Variants in AHRR observed in about 807,000 individuals in gnomAD.
The protein encoded by AHRR is ahR repressor.
A neutral mutation model predicts 44.0 loss-of-function variants in AHRR; 28 were observed. That is an observed-to-expected ratio of 0.64 (90% confidence interval 0.47 to 0.87). The LOEUF (loss-of-function observed/expected upper bound fraction) is 0.87. Ranked by LOEUF, AHRR falls within the 40% of genes least tolerant of loss-of-function variation. The pLI is 0.00. For missense variants in AHRR, 990 were observed against 953.9 expected, an observed-to-expected ratio of 1.04 and a Z score of -0.50; for synonymous variants, 434 against 407.0, an observed-to-expected ratio of 1.07 and a Z score of -0.80.
rs188790935 is a variant in AHRR at position 405,099 on chromosome 5, A to G, written c.352-8245A>G. Among the ~76,000 whole-genome samples the G allele has an allele frequency of 1.5e-3, 229 of 152,242 alleles. No individual in the cohort carries two copies. The highest frequency in any genetic ancestry group is 5.4e-3 in the African/African-American group (225 of 41,540). The stretch of plus-strand genomic sequence containing the variant: ...ATGGCCCCCTCCCCCAAAGAAATGC[A>G]GCAGGTCTGACATTTCCCCATTTCT... On this transcript the variant is annotated intron_variant, in intron 4 of 10. Transcript: ENST00000684583. The surrounding 1 kb of genome is among the most constrained non-coding windows in gnomAD (Gnocchi z 4.5).
chr5:339,297 G>A (rs909347367), intron 1 of AHRR, among the ~76,000 whole-genome samples: 1 of 151,972 alleles, frequency 6.6e-6, no homozygotes, highest in African/African-American at 2.4e-5. Context: ...TTAAAAGTAT[G>A]TTTTGTAGAG....
intron 3 of AHRR, among the ~76,000 whole-genome samples, chr5:361,689 C>G (rs970559820): frequency 6.6e-6 from 1 of 152,214 alleles, no homozygotes; most frequent in Admixed American, 6.5e-5. Flanking sequence ...CGTCTCCCCT[C>G]TCTTCCTACT....
intron 5 of AHRR, among the ~76,000 whole-genome samples, chr5:417,110 G>A (rs1735858183): frequency 6.8e-6 from 1 of 147,958 alleles, no homozygotes; most frequent in Non-Finnish European, 1.5e-5. Context: ...TGCAGGGCCC[G>A]AGTTTAGAGA....
At chr5:408,065 G>T (rs889334391) in intron 4 of AHRR, among the ~76,000 whole-genome samples, 1 of 152,202 alleles carries the variant, frequency 6.6e-6, no homozygotes, top group African/African-American at 2.4e-5. Flanking sequence ...TTTTGGGCTG[G>T]GCTGTCTCCA....
At chr5:354,896 T>G (rs547118770) in intron 3 of AHRR, among the ~76,000 whole-genome samples, 177 of 152,264 alleles carry the variant, frequency 1.2e-3, no homozygotes, top group African/African-American at 4.1e-3. Context: ...GCCCATGGGC[T>G]GCGGGAAGGA....
Position 434,066 on chromosome 5 carries a change from C to G in AHRR, c.1326C>G (p.Gly442=). The change falls in exon 11 of 11, where the codon GGC becomes GGG. Residue 442 remains glycine, a synonymous_variant. Transcript: ENST00000684583. ...GCCTGCCCTGCCCGTGTGTCCAGGG[C>G]ACTTTCAGGAACTCGCCCATCTCTC... The part of the protein sequence containing the change: ...GSCLPCPCVQ[G]TFRNSPISHP... 6.2e-7 allele frequency: 1 copy of G among 1,612,790 alleles called. No individual in the cohort carries two copies. Among genetic ancestry groups the G allele is most frequent in the Non-Finnish European group, 8.5e-7 (1 of 1,179,908 alleles).
intron 4 of AHRR, among the ~76,000 whole-genome samples, chr5:393,985 G>C (rs1232422330): frequency 6.6e-6 from 1 of 152,224 alleles, no homozygotes; most frequent in Non-Finnish European, 1.5e-5. Context: ...TCCTCTGTGA[G>C]TTCTTCCCAG....
At chr5:354,006 G>A (rs543917984) in intron 3 of AHRR, 95 bp downstream of exon 3, 35 of 1,367,124 alleles carry the variant, frequency 2.6e-5, no homozygotes, top group Non-Finnish European at 3.5e-5. Context: ...AGTGTGTCTG[G>A]TGGGTTGCAC....
At position 387,058 on chromosome 5, in the gene AHRR, C is replaced by T. The variant is rs959978150; in HGVS notation, c.351+10342C>T. ...TCCATATCCGTTTGATTGTCAAAGC[C>T]TCTGCTGCACGGGGTGGGTCTGCCC... On this transcript the variant is annotated intron_variant, in intron 4 of 10. Coordinates refer to ENST00000684583, the MANE Select transcript of AHRR (RefSeq NM_001377236.1). The surrounding 1 kb of genome is among the most constrained non-coding windows in gnomAD (Gnocchi z 5.1). Among the ~76,000 whole-genome samples, 17 of 152,244 alleles carry T rather than the reference C, an allele frequency of 1.1e-4. No individual in the cohort carries two copies. The highest frequency in any genetic ancestry group is 3.9e-4 in the African/African-American group (16 of 41,474).
chr5:379,784 GCTTGT>G (rs1202014553), intron 4 of AHRR, among the ~76,000 whole-genome samples: 1 of 152,126 alleles, frequency 6.6e-6, no homozygotes, highest in Non-Finnish European at 1.5e-5. Context: ...GTAGTCTGTG[GCTTGT>G]CTTTTTATTC....
intron 1 of AHRR, among the ~76,000 whole-genome samples, chr5:343,248 C>CG (rs148526330): frequency 0.015 from 1,905 of 126,896 alleles, 6 homozygotes; most frequent in Non-Finnish European, 0.019. Context: ...CATACCTTCT[C>CG]GGGGTGACAG....
intron 3 of AHRR, chr5:367,940 T>G (rs1308457655): frequency 4.3e-6 from 3 of 702,572 alleles, no homozygotes. Context: ...CTGCATCTGT[T>G]GATGGTGAAT....
chr5:329,568 A>G (rs1560876996), intron 1 of AHRR, among the ~76,000 whole-genome samples: 1 of 152,186 alleles, frequency 6.6e-6, no homozygotes, highest in Non-Finnish European at 1.5e-5. Flanking sequence ...ATTATACTGA[A>G]TCTATAGATT....
intron 3 of AHRR, among the ~76,000 whole-genome samples, chr5:372,761 C>G (rs1029905680): frequency 6.6e-6 from 1 of 152,212 alleles, no homozygotes; most frequent in Admixed American, 6.5e-5. Context: ...ACGGCATCAC[C>G]CAGACGCACA....
chr5:396,569 T>G (rs1388070219), intron 4 of AHRR, among the ~76,000 whole-genome samples: 1 of 152,200 alleles, frequency 6.6e-6, no homozygotes, highest in Non-Finnish European at 1.5e-5. Context: ...TTCTTCGGCC[T>G]TTCTGCTAAG....
intron 4 of AHRR, among the ~76,000 whole-genome samples, chr5:402,836 G>A (rs1735075196): frequency 6.6e-6 from 1 of 152,186 alleles, no homozygotes; most frequent in African/African-American, 2.4e-5. Flanking sequence ...AATGCTCTGT[G>A]TATACACCAT....
At chr5:324,012 T>C (rs867480543) in intron 1 of AHRR, among the ~76,000 whole-genome samples, 2,150 of 84,710 alleles carry the variant, frequency 0.025, 72 homozygotes, top group African/African-American at 0.097. Context: ...TTTCTCTTTC[T>C]TTCTTTCTTT....
chr5:396,247 C>T (rs572781920), intron 4 of AHRR, among the ~76,000 whole-genome samples: 2 of 152,316 alleles, frequency 1.3e-5, no homozygotes, highest in Non-Finnish European at 2.9e-5. Context: ...CCCCCATCCT[C>T]AGGGGAGGCA....
rs955357236 is a variant in AHRR, at chr5:388,796, C to T, written c.351+12080C>T. Among the ~76,000 whole-genome samples the T allele has an allele frequency of 3.3e-5, 5 of 152,192 alleles. No homozygotes were observed. Among genetic ancestry groups the T allele is most frequent in the African/African-American group, 7.2e-5 (3 of 41,446 alleles). On this transcript the variant is annotated intron_variant, in intron 4 of 10. Transcript: ENST00000684583. The surrounding 1 kb of genome is among the most constrained non-coding windows in gnomAD (Gnocchi z 5.2). ...CCTCAAAGCCACTGGGCAGAGGTTCCGTCCCGCTGGCTGGATGGAAACAGG... is the reference window on the plus strand; with the variant it reads ...CCTCAAAGCCACTGGGCAGAGGTTCTGTCCCGCTGGCTGGATGGAAACAGG...
Sources: allele counts gnomAD v4.1 joint callset (sites outside exome capture counted in the v4.1 genomes callset), GRCh38; gene constraint gnomAD v4.1.1; non-coding constraint Gnocchi (gnomAD v3.1); transcripts MANE v1.5; gene names NCBI Gene and HGNC (gene_info 2026-07-23, HGNC 2026-07-21).